The following BAZ1B variants were observed in gnomAD, a reference collection of about 807,000 sequenced individuals.
BAZ1B encodes the protein bromodomain adjacent to zinc finger domain 1B, also known as tyrosine-protein kinase BAZ1B.
BAZ1B carries 22 observed loss-of-function variants against 153.8 expected under a neutral mutation model. That is an observed-to-expected ratio of 0.14 (90% confidence interval 0.10 to 0.20). BAZ1B has a LOEUF of 0.20. BAZ1B is among the 10% of genes least tolerant of loss of function. The pLI, the probability that BAZ1B is intolerant of heterozygous loss-of-function variation, is 1.00. For synonymous variants in BAZ1B, 676 were observed against 633.4 expected (o/e 1.07, Z -1.01); for missense variants, 1,325 against 1,799.3 (o/e 0.74, Z 4.77).
chr7:73,492,295 TG>T (rs1554575681), intron 5 of BAZ1B, among the ~76,000 whole-genome samples: 2 of 152,214 alleles, frequency 1.3e-5, no homozygotes, highest in Admixed American at 1.3e-4. Flanking sequence ...CCTGAGTAGC[TG>T]GGACTACATG....
chr7:73,486,353 G>C (rs1789405447), intron 6 of BAZ1B, among the ~76,000 whole-genome samples: 1 of 152,078 alleles, frequency 6.6e-6, no homozygotes, highest in African/African-American at 2.4e-5. Flanking sequence ...TTGAGACAGA[G>C]TCTCACTTTG....
intron 3 of BAZ1B, among the ~76,000 whole-genome samples, chr7:73,508,019 G>C (rs1475296961): frequency 1.3e-5 from 2 of 152,108 alleles, no homozygotes; most frequent in Admixed American, 1.3e-4. Flanking sequence ...AGCCGGGCGT[G>C]GTGGTGCACA....
intron 7 of BAZ1B, among the ~76,000 whole-genome samples, chr7:73,473,350 T>C (rs879949043): frequency 2.2e-4 from 33 of 152,208 alleles, no homozygotes; most frequent in Admixed American, 1.6e-3. Context: ...GTCAGAGTTT[T>C]GGGACCAGCC....
At chr7:73,519,498 G>GTTAA (rs1212562014) in intron 1 of BAZ1B, among the ~76,000 whole-genome samples, 1 of 152,056 alleles carries the variant, frequency 6.6e-6, no homozygotes, top group Non-Finnish European at 1.5e-5. Flanking sequence ...TATGTTTTAA[G>GTTAA]ACTTCTTTTG....
At chr7:73,497,271 A>AT (rs1554576503) in intron 4 of BAZ1B, among the ~76,000 whole-genome samples, 1 of 152,076 alleles carries the variant, frequency 6.6e-6, no homozygotes, top group African/African-American at 2.4e-5. Context: ...CACTAGGACA[A>AT]TTAGCACTTT....
intron 9 of BAZ1B, 130 bp downstream of exon 9, chr7:73,469,387 C>T: frequency 8.7e-7 from 1 of 1,144,060 alleles, no homozygotes; most frequent in Non-Finnish European, 1.2e-6. Flanking sequence ...CTACCTACTT[C>T]ACTCAAATAG....
intron 13 of BAZ1B, among the ~76,000 whole-genome samples, chr7:73,451,421 T>C (rs1554568199): frequency 6.6e-6 from 1 of 152,170 alleles, no homozygotes; most frequent in African/African-American, 2.4e-5. Context: ...TGTGAAGTAA[T>C]GAATCTCCTA....
At chr7:73,494,057 G>A (rs1372592259) in intron 4 of BAZ1B, among the ~76,000 whole-genome samples, 2 of 152,036 alleles carry the variant, frequency 1.3e-5, no homozygotes, top group African/African-American at 4.8e-5. Context: ...GACTGTGGCT[G>A]TAACTAACTA....
intron 13 of BAZ1B, 80 bp from the exon 14 acceptor site, chr7:73,451,074 G>C (rs1554568065): frequency 2.6e-6 from 4 of 1,514,430 alleles, no homozygotes; most frequent in African/African-American, 1.4e-5. Context: ...GGGACAGTAT[G>C]AGAGAATTCT....
chr7:73,505,016 T>G (rs1447887875), intron 3 of BAZ1B, among the ~76,000 whole-genome samples: 1 of 152,194 alleles, frequency 6.6e-6, no homozygotes, highest in Non-Finnish European at 1.5e-5. Flanking sequence ...TAGCACAAAC[T>G]GCTGCTGAGC....
At chr7:73,444,995 C>T (rs1787776149) in intron 16 of BAZ1B, among the ~76,000 whole-genome samples, 1 of 150,132 alleles carries the variant, frequency 6.7e-6, no homozygotes, top group African/African-American at 2.5e-5. Flanking sequence ...GCCTGGGAAA[C>T]AAGGGTGTAA....
rs782156277 is a variant in BAZ1B at position 73,498,696 on chromosome 7, A to C, written c.372T>G (p.Val124=). 1.7e-5 allele frequency: 28 copies of C among 1,613,604 alleles called. No individual in the cohort carries two copies. In the African/African-American group the frequency reaches 3.5e-4, roughly 20 times the overall value. ...TCACCTTGAGCATTTTCTCCTTCCC[A>C]ACCTATAAAGGAGGTAGTAGAGAAA... The part of the protein sequence containing the change: ...YAVGEECDFE[V]GKEKMLKVKI... The change falls in exon 4 of 20, where the codon GTT becomes GTG. Residue 124 remains valine, a splice_region_variant and synonymous_variant. Transcript: ENST00000339594.
rs782645855 is a variant in BAZ1B at position 73,498,612 on chromosome 7, A to G, written c.456T>C (p.Ser152=). The G allele has an allele frequency of 3.1e-6, 5 of 1,614,154 alleles. No homozygotes were observed. The South Asian group carries it at 4.4e-5, about 14-fold the overall frequency. ...KVDEEATEKK[S]DGACDSPSSD... The stretch of plus-strand genomic sequence containing the variant: ...TTGATGGAGAATCACAGGCACCATC[A>G]GATTTCTTCTCAGTGGCCTCTTCAT... The change falls in exon 4 of 20, where the codon TCT becomes TCC. Residue 152 remains serine, a synonymous_variant. Coordinates refer to ENST00000339594, the MANE Select transcript of BAZ1B (RefSeq NM_032408.4).
At chr7:73,443,703 G>C (rs1554565628) in intron 17 of BAZ1B, among the ~76,000 whole-genome samples, 2 of 152,188 alleles carry the variant, frequency 1.3e-5, no homozygotes, top group African/African-American at 4.8e-5. Flanking sequence ...GAGCCCACTG[G>C]AGACACATGG....
At chr7:73,448,258 C>T (rs1284940925) in intron 15 of BAZ1B, among the ~76,000 whole-genome samples, 5 of 152,124 alleles carry the variant, frequency 3.3e-5, no homozygotes, top group African/African-American at 4.8e-5. Context: ...GAGCCGAGAT[C>T]GCGCCATCGT....
Position 73,493,024 on chromosome 7 carries a change from G to C in BAZ1B, c.572-103C>G, listed in dbSNP as rs1789714983. The C allele has an allele frequency of 1.9e-5, 23 of 1,216,530 alleles. No individual in the cohort carries two copies. The South Asian group carries it at 3.6e-4, about 19-fold the overall frequency. The allele number at this position is 1,216,530 out of a possible 1,614,324, so 75.4% of individuals were successfully genotyped here. Reference sequence around the variant, plus strand: ...GAACGTCTGCTCTTCACTAGGCACTGGGTGATGCAGTACAAAAATGAATCA... The same window carrying C: ...GAACGTCTGCTCTTCACTAGGCACTCGGTGATGCAGTACAAAAATGAATCA... On this transcript the variant is annotated intron_variant, in intron 4 of 19. Transcript: ENST00000339594.
chr7:73,491,879 A>G (rs1326300588), intron 5 of BAZ1B, among the ~76,000 whole-genome samples: 2 of 152,096 alleles, frequency 1.3e-5, no homozygotes, highest in Non-Finnish European at 2.9e-5. Flanking sequence ...TTCCACACCC[A>G]GTCTCCTAAT....
intron 1 of BAZ1B, 105 bp downstream of exon 1, chr7:73,521,722 A>T: frequency 1.1e-6 from 1 of 951,716 alleles, no homozygotes; most frequent in Non-Finnish European, 1.4e-6. Flanking sequence ...GCGCGCTGAC[A>T]GCTGCCCCGG....
chr7:73,505,745 A>G (rs1218637908), intron 3 of BAZ1B, among the ~76,000 whole-genome samples: 1 of 152,150 alleles, frequency 6.6e-6, no homozygotes, highest in Non-Finnish European at 1.5e-5. Context: ...GAGATAGGGT[A>G]TCGCCATGTT....
Sources: gnomAD v4.1 joint callset for allele counts (sites outside exome capture counted in the v4.1 genomes callset) on GRCh38, gnomAD v4.1.1 for gene constraint, MANE v1.5 for transcripts, NCBI Gene and HGNC (gene_info 2026-07-23, HGNC 2026-07-21) for gene names.